The following RNF144A variants were observed in gnomAD, a reference collection of about 807,000 sequenced individuals.
RNF144A encodes the protein ring finger protein 144A.
RNF144A carries 11 observed loss-of-function variants against 38.7 expected under a neutral mutation model. That is an observed-to-expected ratio of 0.28 (90% CI 0.18 to 0.47). The LOEUF (loss-of-function observed/expected upper bound fraction) is 0.47. RNF144A is among the 20% of genes least tolerant of loss of function. The pLI, the probability that RNF144A is intolerant of heterozygous loss-of-function variation, is 0.99. For synonymous variants in RNF144A, 149 were observed against 143.9 expected, an observed-to-expected ratio of 1.04 and a Z score of -0.25; for missense variants, 316 against 377.2, an observed-to-expected ratio of 0.84 and a Z score of 1.34.
At chr2:7,021,053 GA>G (rs1024770372) in intron 6 of RNF144A, among the ~76,000 whole-genome samples, 2 of 152,174 alleles carry the variant, frequency 1.3e-5, no homozygotes, top group Non-Finnish European at 2.9e-5. Flanking sequence ...TGGGGGTACA[GA>G]AACAAGAACA....
At chr2:7,032,067 A>G (rs1188375724) in intron 8 of RNF144A, among the ~76,000 whole-genome samples, 1 of 152,278 alleles carries the variant, frequency 6.6e-6, no homozygotes, top group East Asian at 1.9e-4. Context: ...GATAAACAAA[A>G]CAGAACAGAT....
chr2:7,018,781 T>G (rs1300689499), intron 5 of RNF144A, among the ~76,000 whole-genome samples: 1 of 152,032 alleles, frequency 6.6e-6, no homozygotes, highest in Non-Finnish European at 1.5e-5. Context: ...ATAATTAGAG[T>G]AGAGCACCTG....
rs1320057982 is a variant in RNF144A at position 7,024,668 on chromosome 2, G to T, written c.657+152G>T. 7.9e-6 allele frequency: 7 copies of T among 881,758 alleles called. No homozygotes were observed. In the Admixed American group the frequency reaches 1.9e-4, roughly 23 times the overall value. The allele number at this position is 881,758 out of a possible 1,614,324, so 54.6% of individuals were successfully genotyped here. On this transcript the variant is annotated intron_variant, in intron 7 of 8. Transcript: ENST00000320892. Reference sequence around the variant, plus strand: ...CGTTTGGTGTTTCTCCTGGGTTTGTGAAAACATTAACTCATGAGCGCCATG... The same window carrying T: ...CGTTTGGTGTTTCTCCTGGGTTTGTTAAAACATTAACTCATGAGCGCCATG...
chr2:6,991,760 T>C (rs1669395309), intron 2 of RNF144A, among the ~76,000 whole-genome samples: 2 of 152,136 alleles, frequency 1.3e-5, no homozygotes, highest in Admixed American at 1.3e-4. Context: ...AGTCTCTCTC[T>C]CTCATACATA....
intron 1 of RNF144A, among the ~76,000 whole-genome samples, chr2:6,927,947 A>G (rs902805114): frequency 1.7e-4 from 26 of 152,150 alleles, no homozygotes; most frequent in African/African-American, 6.0e-4. Flanking sequence ...CAGCTCTTCT[A>G]GAGTGCTTAC....
chr2:6,961,567 A>G (rs192640521), intron 2 of RNF144A, among the ~76,000 whole-genome samples: 1 of 152,314 alleles, frequency 6.6e-6, no homozygotes, highest in East Asian at 1.9e-4. Context: ...TCCTAAGGAC[A>G]TAATTTATAT....
intron 2 of RNF144A, among the ~76,000 whole-genome samples, chr2:6,956,126 G>C (rs1666981011): frequency 6.6e-6 from 1 of 152,064 alleles, no homozygotes; most frequent in Non-Finnish European, 1.5e-5. Flanking sequence ...CTTATTGGGG[G>C]TTCTAAAATA....
At chr2:7,062,882 A>C (rs1432134694) in intron 6 of RNF144A, 3 of 152,234 alleles carry the variant, frequency 2.0e-5, no homozygotes, top group African/African-American at 7.2e-5. Flanking sequence ...TGAACCCATC[A>C]ATCCTCTCCT....
chr2:6,999,528 T>C (rs2103395103), intron 3 of RNF144A, among the ~76,000 whole-genome samples: 1 of 152,240 alleles, frequency 6.6e-6, no homozygotes, highest in East Asian at 1.9e-4. Flanking sequence ...GAAATTACAG[T>C]TGAGTGCTGA....
At chr2:7,009,096 A>C (rs1336854046) in intron 3 of RNF144A, among the ~76,000 whole-genome samples, 6 of 152,126 alleles carry the variant, frequency 3.9e-5, no homozygotes. Flanking sequence ...TGAGGTGTGC[A>C]CTCACCCTCC....
At chr2:6,997,385 T>G (rs1040944012) in intron 3 of RNF144A, among the ~76,000 whole-genome samples, 5 of 152,258 alleles carry the variant, frequency 3.3e-5, no homozygotes, top group Non-Finnish European at 7.3e-5. Flanking sequence ...TTATATCAAA[T>G]GTATTTTAAT....
intron 6 of RNF144A, among the ~76,000 whole-genome samples, chr2:7,052,343 A>G (rs890991796): frequency 2.6e-5 from 4 of 152,202 alleles, no homozygotes; most frequent in African/African-American, 9.7e-5. Flanking sequence ...TCCTCACAAA[A>G]GTGCTACAAA....
intron 8 of RNF144A, among the ~76,000 whole-genome samples, chr2:7,032,955 G>A (rs1672422337): frequency 6.6e-6 from 1 of 152,258 alleles, no homozygotes; most frequent in South Asian, 2.1e-4. Context: ...ACTGGGTGCT[G>A]ACTCGGGGGA....
intron 7 of RNF144A, among the ~76,000 whole-genome samples, chr2:7,026,728 G>A (rs988014748): frequency 1.3e-5 from 2 of 152,164 alleles, no homozygotes; most frequent in African/African-American, 4.8e-5. Flanking sequence ...CAGGGACTAG[G>A]AGGGAAGCTG....
intron 7 of RNF144A, among the ~76,000 whole-genome samples, chr2:7,029,084 G>A (rs1672106395): frequency 6.6e-6 from 1 of 152,162 alleles, no homozygotes; most frequent in Admixed American, 6.5e-5. Flanking sequence ...CATGACCCCT[G>A]ACCTGCTCCT....
At chr2:7,047,308 T>A (rs1407186077), downstream of RNF144A, among the ~76,000 whole-genome samples, 1 of 152,144 alleles carries the variant, frequency 6.6e-6, no homozygotes, top group Non-Finnish European at 1.5e-5. Flanking sequence ...ATTTGTAGTG[T>A]GGGAAGTGTA....
At chr2:6,932,770 G>T (rs749313560) in intron 1 of RNF144A, among the ~76,000 whole-genome samples, 5 of 152,194 alleles carry the variant, frequency 3.3e-5, no homozygotes, top group Non-Finnish European at 5.9e-5. Context: ...CACAATAAGA[G>T]AATTTTAAAC....
intron 5 of RNF144A, among the ~76,000 whole-genome samples, chr2:7,020,270 C>T (rs1335799807): frequency 6.6e-6 from 1 of 151,966 alleles, no homozygotes; most frequent in Non-Finnish European, 1.5e-5. Flanking sequence ...AGGTCTGTTG[C>T]ATGAAGGGAG....
intron 6 of RNF144A, among the ~76,000 whole-genome samples, chr2:7,052,487 C>A (rs544804186): frequency 2.0e-4 from 31 of 152,168 alleles, no homozygotes; most frequent in South Asian, 6.2e-4. Context: ...ATGGTTCTCT[C>A]CACTGAATCA....
Sources: gnomAD v4.1 joint callset for allele counts (sites outside exome capture counted in the v4.1 genomes callset) on GRCh38, gnomAD v4.1.1 for gene constraint, MANE v1.5 for transcripts, NCBI Gene and HGNC (gene_info 2026-07-23, HGNC 2026-07-21) for gene names.